The following FGF13 variants were observed in gnomAD, a reference collection of about 807,000 sequenced individuals.
FGF13 encodes the protein fibroblast growth factor homologous factor 2.
Under a neutral mutation model 19.5 loss-of-function variants are expected in FGF13, and 2 were observed. That is an observed-to-expected ratio of 0.10 (90% CI 0.04 to 0.32). The LOEUF (loss-of-function observed/expected upper bound fraction) is 0.32. Ranked by LOEUF, FGF13 falls within the 10% of genes least tolerant of loss-of-function variation. FGF13 has a pLI of 1.00. For missense variants in FGF13, 113 were observed against 192.7 expected, an observed-to-expected ratio of 0.59 and a Z score of 2.45; for synonymous variants, 72 against 76.9, an observed-to-expected ratio of 0.94 and a Z score of 0.33.
chrX:139,183,818 C>T (rs1831413462), intron 1 of FGF13, among the ~76,000 whole-genome samples: 1 of 111,843 alleles, frequency 8.9e-6, no homozygotes, highest in Admixed American at 9.5e-5. Context: ...CTAGTCCTAA[C>T]AGTAATCCAC....
upstream of FGF13, chrX:138,711,805 C>T (rs1463794404): frequency 5.0e-4 from 173 of 343,828 alleles, 1 homozygote; most frequent in Admixed American, 3.1e-3. Context: ...CCTCCCACCC[C>T]CACCCCCACC....
rs747095354 is a variant in FGF13 at position 139,005,998 on chromosome X, T to A, written c.-112-141348A>T. On this transcript the variant is annotated intron_variant, in intron 1 of 2. Transcript: ENST00000421460. ...CTTAAAGAGGAAGTAGAGAAAGAAA[T>A]AGGAGTAGAAAGTTTATTCAAAGGG... is the stretch of plus-strand genomic sequence containing the variant. 2.7e-5 allele frequency among the ~76,000 whole-genome samples: 3 copies of A among 110,161 alleles called. No individual in the cohort carries two copies. The South Asian group carries it at 1.2e-3, about 43-fold the overall frequency.
downstream of FGF13, among the ~76,000 whole-genome samples, chrX:138,852,575 A>C (rs751703754): frequency 3.6e-5 from 4 of 112,010 alleles, no homozygotes. Context: ...TAAAGACTTA[A>C]ATATAAAACC....
intron 1 of FGF13, among the ~76,000 whole-genome samples, chrX:139,154,194 T>G (rs892147447): frequency 1.4e-4 from 16 of 111,489 alleles, no homozygotes; most frequent in Non-Finnish European, 3.0e-4. Context: ...GTGAGAAAAT[T>G]TCCTATGACC....
In FGF13 at chrX:138,985,035, C is replaced by T. The variant is rs60731500; in HGVS notation, c.-112-120385G>A. The T allele has an allele frequency of 5.5e-3, 2,029 of 369,653 alleles. 26 individuals carry two copies. Among genetic ancestry groups the T allele is most frequent in the African/African-American group, 0.046 (1,782 of 38,888 alleles). The allele number at this position is 369,653 out of a possible 1,213,427, so 30.5% of individuals were successfully genotyped here. A position where few individuals can be genotyped will look rare whatever the true frequency, so the allele number is the denominator to read the frequency against. ...TCTCTTACTTAGGTAGTAGCTTCCT[C>T]CTGAAGAACTCAAATGATGCATCCC... On this transcript the variant is annotated intron_variant, in intron 1 of 2. Transcript: ENST00000421460.
intron 1 of FGF13, among the ~76,000 whole-genome samples, chrX:139,147,088 G>A (rs898576061): frequency 8.3e-5 from 9 of 108,993 alleles, no homozygotes; most frequent in African/African-American, 3.0e-4. Flanking sequence ...TGCACATTGT[G>A]CACATGTACC....
intron 1 of FGF13, among the ~76,000 whole-genome samples, chrX:139,087,240 G>A (rs1473153686): frequency 9.1e-6 from 1 of 110,157 alleles, no homozygotes; most frequent in Non-Finnish European, 1.9e-5. Context: ...AGGTTGCAGT[G>A]AGCCGAGATC....
At chrX:138,995,928 A>G (rs1410171604) in intron 1 of FGF13, among the ~76,000 whole-genome samples, 2 of 111,807 alleles carry the variant, frequency 1.8e-5, no homozygotes, top group African/African-American at 6.5e-5. Flanking sequence ...TGGAGGGAGT[A>G]TTTAAACCAC....
rs2090529917 is a variant in FGF13, at chrX:138,769,549, AG to A, written c.218-60622del. Among the ~76,000 whole-genome samples the A allele has an allele frequency of 2.7e-5, 3 of 112,066 alleles. No homozygotes were observed. In the Admixed American group the frequency reaches 2.8e-4, roughly 11 times the overall value. ...ATAACCATGACCATCATGGAAAATCAGTAAGTTAAAATGTGGAAAGTGTCTG... is the reference window on the plus strand; with the variant it reads ...ATAACCATGACCATCATGGAAAATCATAAGTTAAAATGTGGAAAGTGTCTG... On this transcript the variant is annotated intron_variant, in intron 3 of 6. Transcript: ENST00000436198.
chrX:138,975,586 T>C (rs1051537649), intron 1 of FGF13, among the ~76,000 whole-genome samples: 6 of 110,276 alleles, frequency 5.4e-5, no homozygotes, highest in Non-Finnish European at 1.1e-4. Context: ...TCTAAGAAGG[T>C]TCCTTGGAGT....
intron 3 of FGF13, among the ~76,000 whole-genome samples, chrX:138,640,969 A>G (rs141421400): frequency 0.013 from 1,400 of 110,995 alleles, 16 homozygotes; most frequent in African/African-American, 0.042. Context: ...TTTTTTTTAC[A>G]TGGGCTGCAC....
intron 3 of FGF13, among the ~76,000 whole-genome samples, chrX:138,773,266 C>T (rs1308053722): frequency 1.8e-5 from 2 of 111,385 alleles, no homozygotes; most frequent in Non-Finnish European, 3.8e-5. Flanking sequence ...GGGAATCCAT[C>T]CTGATGCACA....
chrX:139,186,543 T>G lies in FGF13; in HGVS notation c.-113+16873A>C, dbSNP rs146096118. On this transcript the variant is annotated intron_variant, in intron 1 of 2. Transcript: ENST00000421460. ...GTACATCAGATCACAGGGCTTCCCA[T>G]CAGGAAACTCTCCAAAGGCTTTCCA... 8.1e-5 allele frequency among the ~76,000 whole-genome samples: 9 copies of G among 111,533 alleles called. No individual in the cohort carries two copies. In the East Asian group the frequency reaches 2.6e-3, roughly 32 times the overall value.
intron 1 of FGF13, among the ~76,000 whole-genome samples, chrX:139,200,263 T>C (rs184014680): frequency 5.6e-4 from 63 of 112,261 alleles, no homozygotes; most frequent in African/African-American, 2.0e-3. Context: ...CTGGCCCAAG[T>C]CTGAGAAAGA....
At chrX:138,865,458 TCTCTCTCTCTCTCTC>T (rs1200187969) in intron 1 of FGF13, among the ~76,000 whole-genome samples, 3,833 of 98,692 alleles carry the variant, frequency 0.039, 221 homozygotes, top group African/African-American at 0.14. Context: ...CTCCTCTCTC[TCTCTCTCTCTCTCTC>T]CTCTCTCTCT....
intron 1 of FGF13, among the ~76,000 whole-genome samples, chrX:138,924,853 A>C (rs989363124): frequency 9.0e-6 from 1 of 110,652 alleles, no homozygotes; most frequent in African/African-American, 3.3e-5. Context: ...AAAAAAAAAA[A>C]AAAACCTGGT....
At chrX:139,002,568 C>T (rs1437793168) in intron 1 of FGF13, among the ~76,000 whole-genome samples, 1 of 110,868 alleles carries the variant, frequency 9.0e-6, no homozygotes, top group East Asian at 2.9e-4. Flanking sequence ...GCTTGTACCA[C>T]TTGTCCCCCA....
intron 1 of FGF13, among the ~76,000 whole-genome samples, chrX:139,077,011 G>A (rs1316986642): frequency 1.8e-5 from 2 of 112,144 alleles, no homozygotes; most frequent in African/African-American, 6.5e-5. Context: ...CAGATTTGAA[G>A]AGGTGGGTTT....
At chrX:139,066,123 A>G (rs772903444) in intron 1 of FGF13, among the ~76,000 whole-genome samples, 1 of 112,055 alleles carries the variant, frequency 8.9e-6, no homozygotes, top group African/African-American at 3.2e-5. Context: ...TTTGAAACCA[A>G]TGAGAACAAA....
Sources: allele counts gnomAD v4.1 joint callset (sites outside exome capture counted in the v4.1 genomes callset), GRCh38; gene constraint gnomAD v4.1.1; transcripts MANE v1.5; gene names NCBI Gene and HGNC (gene_info 2026-07-23, HGNC 2026-07-21).